PCYOX1: variants seen among roughly 807,000 people sequenced by gnomAD.
PCYOX1 encodes prenylcysteine oxidase 1.
A neutral mutation model predicts 46.4 loss-of-function variants in PCYOX1; 46 were observed. That is an observed-to-expected ratio of 0.99 (90% CI 0.78 to 1.27). The LOEUF is 1.27. Among genes scored for constraint, PCYOX1 ranks in the 50% most tolerant of loss-of-function variants. The probability of loss-of-function intolerance (pLI) is 0.00; values close to 1 mark genes in which losing one functional copy is unlikely to be tolerated. For synonymous variants in PCYOX1, 220 were observed against 231.8 expected (o/e 0.95, Z 0.46); for missense variants, 658 against 628.3 (o/e 1.05, Z -0.51).
intron 4 of PCYOX1, 81 bp downstream of exon 4, chr2:70,275,251 C>T: frequency 8.2e-7 from 1 of 1,222,844 alleles, no homozygotes; most frequent in South Asian, 1.2e-5. Flanking sequence ...TGACTTTAGG[C>T]TGTGGATTGG....
rs780368370 is a variant in PCYOX1, at chr2:70,258,156, G to A, written c.-9G>A. ...GCTCTTGAGGCCAGCTGCAGAGCTT[G>A]TGGAGGCCATGGGGCGCGTCGTCGC... On this transcript the variant is annotated 5_prime_UTR_variant, in exon 1 of 6. The change creates a new upstream start codon in the 5' untranslated region. Transcript: ENST00000433351. 66 of 1,588,058 alleles carry A rather than the reference G, an allele frequency of 4.2e-5. No individual in the cohort carries two copies. Among genetic ancestry groups the A allele is most frequent in the Non-Finnish European group, 5.3e-5 (62 of 1,172,826 alleles).
In PCYOX1 at chr2:70,270,436, C is replaced by G. The variant is rs865875824; in HGVS notation, c.495-4523C>G. On this transcript the variant is annotated intron_variant, in intron 3 of 5. Coordinates refer to ENST00000433351, the MANE Select transcript of PCYOX1 (RefSeq NM_016297.4). ...GAGCAGATTTCCAGAGGTCCTTCCT[C>G]TGCCATTCTGGAAGTTTCCTCTCCC... Among the ~76,000 whole-genome samples, 3 of 152,330 alleles carry G rather than the reference C, an allele frequency of 2.0e-5. No homozygotes were observed. In the South Asian group the frequency reaches 6.2e-4, roughly 32 times the overall value.
intron 3 of PCYOX1, among the ~76,000 whole-genome samples, chr2:70,273,019 TA>T (rs765339560): frequency 5.3e-5 from 8 of 152,162 alleles, no homozygotes; most frequent in Non-Finnish European, 1.2e-4. Context: ...CTAATACGAT[TA>T]GTTGTATCAT....
chr2:70,258,205 G>T lies in PCYOX1; in HGVS notation c.41G>T (p.Gly14Val). 1 of 1,599,478 alleles carries T rather than the reference G, an allele frequency of 6.3e-7. No individual in the cohort carries two copies. The change falls in exon 1 of 6, where the codon GGG becomes GTG. Residue 14 changes from glycine to valine, a missense_variant. Gly to Val is a moderately radical substitution (Grantham distance 109). Coordinates refer to ENST00000433351, the MANE Select transcript of PCYOX1 (RefSeq NM_016297.4). ...GCGGAGCTCGTCTCCTCGCTGCTGG[G>T]GTTGTGGCTGTTGCTGTGCAGCTGC... is the stretch of plus-strand genomic sequence containing the variant. ...VVAELVSSLL[G>V]LWLLLCSCGC...
At chr2:70,264,616 C>A (rs560699234) in intron 3 of PCYOX1, among the ~76,000 whole-genome samples, 36 of 151,914 alleles carry the variant, frequency 2.4e-4, no homozygotes, top group African/African-American at 8.7e-4. Context: ...CATGAGCCAC[C>A]GCACCTGGCC....
rs961896159 is a variant in PCYOX1, at chr2:70,278,724, A to T, written c.*1332A>T. 2 of 152,234 alleles carry T rather than the reference A, an allele frequency of 1.3e-5. No individual in the cohort carries two copies. Among genetic ancestry groups the T allele is most frequent in the African/African-American group, 4.8e-5 (2 of 41,466 alleles). The allele number at this position is 152,234 out of a possible 1,614,324, so 9.4% of individuals were successfully genotyped here. A position where few individuals can be genotyped will look rare whatever the true frequency, so the allele number is the denominator to read the frequency against. On this transcript the variant is annotated 3_prime_UTR_variant, in exon 6 of 6. Transcript: ENST00000433351. ...TCACCTGTAGGGTTTTAAAGCATCC[A>T]AATGGTAATTAACAGGCAGCAAAAC...
At chr2:70,269,478 G>A (rs1397375761) in intron 3 of PCYOX1, among the ~76,000 whole-genome samples, 1 of 151,956 alleles carries the variant, frequency 6.6e-6, no homozygotes, top group African/African-American at 2.4e-5. Flanking sequence ...TGGGACTACA[G>A]GCATGCACCA....
chr2:70,259,659 A>C lies in PCYOX1; in HGVS notation c.319+93A>C, dbSNP rs1696408278. On this transcript the variant is annotated intron_variant, in intron 2 of 5. Coordinates refer to ENST00000433351, the MANE Select transcript of PCYOX1 (RefSeq NM_016297.4). ...GAGAACTGAAATTTCTGCCTTGTTA[A>C]TTGCCTTACAGAGACGTTGGTAAAA... is the stretch of plus-strand genomic sequence containing the variant. The C allele has an allele frequency of 6.3e-6, 6 of 954,338 alleles. No homozygotes were observed. The South Asian group carries it at 8.6e-5, about 14-fold the overall frequency. The allele number at this position is 954,338 out of a possible 1,614,324, so 59.1% of individuals were successfully genotyped here.
chr2:70,277,394 G>C lies in PCYOX1; in HGVS notation c.*2G>C, dbSNP rs1696688220. On this transcript the variant is annotated 3_prime_UTR_variant, in exon 6 of 6. Coordinates refer to ENST00000433351, the MANE Select transcript of PCYOX1 (RefSeq NM_016297.4). ...GAGAAACTTAAAACTGAACTATGAA[G>C]TGACACACTCCTTTTTCCCCTCCTA... 6.3e-7 allele frequency: 1 copy of C among 1,580,188 alleles called. No homozygotes were observed. Among genetic ancestry groups the C allele is most frequent in the East Asian group, 2.3e-5 (1 of 44,220 alleles).
At chr2:70,263,095 G>A (rs1481626799) in intron 3 of PCYOX1, among the ~76,000 whole-genome samples, 1 of 151,916 alleles carries the variant, frequency 6.6e-6, no homozygotes, top group South Asian at 2.1e-4. Context: ...TTTAGCCGGC[G>A]TGGTGGTGCA....
intron 2 of PCYOX1, among the ~76,000 whole-genome samples, chr2:70,260,027 CT>C (rs1696414523): frequency 6.6e-6 from 1 of 152,114 alleles, no homozygotes. Context: ...TGTTGGCCAG[CT>C]GGTCTTGAAC....
Position 70,261,287 on chromosome 2 carries a change from A to G in PCYOX1, c.395A>G (p.Asn132Ser). Residue 132 changes from asparagine to serine, a missense_variant, in exon 3 of 6, where the codon AAC (asparagine) becomes AGC (serine). Coordinates refer to ENST00000433351, the MANE Select transcript of PCYOX1 (RefSeq NM_016297.4). ...GAGACTCTGGTATTTGAGGAGAGCA[A>G]CTGGTTCATAATTAACGTGATTAAA... is the stretch of plus-strand genomic sequence containing the variant. ...NGETLVFEES[N>S]WFIINVIKLV... is the part of the protein sequence containing the mutation. 6.2e-7 allele frequency: 1 copy of G among 1,609,966 alleles called. No individual in the cohort carries two copies. Among genetic ancestry groups the G allele is most frequent in the Non-Finnish European group, 8.5e-7 (1 of 1,176,104 alleles).
In PCYOX1 at chr2:70,259,567, G is replaced by C; in HGVS notation, c.319+1G>C. ...ATGAAACGTTTTGTCAAAGACCTGG[G>C]TATGTAATTTTGGTCTTGGAGCTCA... is the stretch of plus-strand genomic sequence containing the variant. On this transcript the variant is annotated splice_donor_variant, in intron 2 of 5. Coordinates refer to ENST00000433351, the MANE Select transcript of PCYOX1 (RefSeq NM_016297.4). LOFTEE classifies it high-confidence loss of function. The C allele has an allele frequency of 6.2e-7, 1 of 1,610,076 alleles. No homozygotes were observed. The highest frequency in any genetic ancestry group is 8.5e-7 in the Non-Finnish European group (1 of 1,176,600).
chr2:70,270,161 A>AT (rs1696583302), intron 3 of PCYOX1, among the ~76,000 whole-genome samples: 1 of 151,786 alleles, frequency 6.6e-6, no homozygotes, highest in African/African-American at 2.4e-5. Flanking sequence ...CACCTGGCTA[A>AT]TTTTTTATAT....
At chr2:70,268,405 A>G (rs1433834024) in intron 3 of PCYOX1, among the ~76,000 whole-genome samples, 1 of 152,108 alleles carries the variant, frequency 6.6e-6, no homozygotes, top group East Asian at 1.9e-4. Context: ...GTTTTCCCCA[A>G]AATTCATAGG....
chr2:70,266,109 C>G (rs1696518031), intron 3 of PCYOX1, among the ~76,000 whole-genome samples: 1 of 152,120 alleles, frequency 6.6e-6, no homozygotes, highest in African/African-American at 2.4e-5. Context: ...GTCTTAATTC[C>G]TGGAACCTGT....
intron 3 of PCYOX1, among the ~76,000 whole-genome samples, chr2:70,263,094 C>T (rs778459751): frequency 2.6e-5 from 4 of 151,782 alleles, no homozygotes; most frequent in Non-Finnish European, 4.4e-5. Flanking sequence ...ATTTAGCCGG[C>T]GTGGTGGTGC....
At chr2:70,259,108 G>C (rs889909330) in intron 1 of PCYOX1, among the ~76,000 whole-genome samples, 11 of 152,160 alleles carry the variant, frequency 7.2e-5, no homozygotes, top group African/African-American at 2.7e-4. Flanking sequence ...AGACCTGTGA[G>C]AATCTTTGGG....
In PCYOX1 at chr2:70,267,661, C is replaced by T. The variant is rs546524292; in HGVS notation, c.494+6275C>T. ...AAAACCAGTCAGGCGTGGCGGCGCG[C>T]GCCTGCAATCCCAGGCACTTGGCAG... On this transcript the variant is annotated intron_variant, in intron 3 of 5. Transcript: ENST00000433351. 4.0e-3 allele frequency among the ~76,000 whole-genome samples: 615 copies of T among 152,172 alleles called. 4 individuals are homozygous for T. Among genetic ancestry groups the T allele is most frequent in the Middle Eastern group, 6.8e-3 (2 of 294 alleles).
Sources: allele counts gnomAD v4.1 joint callset (sites outside exome capture counted in the v4.1 genomes callset), GRCh38; gene constraint gnomAD v4.1.1; transcripts MANE v1.5; gene names NCBI Gene and HGNC (gene_info 2026-07-23, HGNC 2026-07-21).